FBRSL1: variants seen among roughly 807,000 people sequenced by gnomAD.
FBRSL1 encodes the protein fibrosin-1-like protein.
In FBRSL1, 51 loss-of-function variants were observed where a neutral mutation model predicts 89.6. That is an observed-to-expected ratio of 0.57 (90% CI 0.45 to 0.72). The LOEUF is 0.72. FBRSL1 is among the 30% of genes least tolerant of loss of function. FBRSL1 has a pLI of 0.00. For missense variants in FBRSL1, 1,618 were observed against 1,451.8 expected, an observed-to-expected ratio of 1.11 and a Z score of -1.86; for synonymous variants, 779 against 681.1, an observed-to-expected ratio of 1.14 and a Z score of -2.24.
chr12:132,569,017 G>T (rs542696834), intron 6 of FBRSL1, among the ~76,000 whole-genome samples: 1 of 152,128 alleles, frequency 6.6e-6, no homozygotes, highest in Admixed American at 6.5e-5. Flanking sequence ...AGGGTCTGCC[G>T]GGGACGTGAA....
In FBRSL1 at chr12:132,544,237, A is replaced by AG. The variant is rs1382843148; in HGVS notation, c.616-3763dup. Among the ~76,000 whole-genome samples the AG allele has an allele frequency of 2.4e-4, 37 of 152,276 alleles. 1 individual carries two copies. The highest frequency in any genetic ancestry group is 2.1e-3 in the South Asian group (10 of 4,822). On this transcript the variant is annotated intron_variant, in intron 4 of 18. Transcript: ENST00000680143. The stretch of plus-strand genomic sequence containing the variant: ...CAACAAGTACTGAGAAGTGGTCACG[A>AG]GGGCCATTATTGGATGGTGAGGTCC...
intron 5 of FBRSL1, chr12:132,550,641 C>G (rs1279342838): frequency 6.6e-6 from 1 of 152,566 alleles, no homozygotes; most frequent in Non-Finnish European, 1.5e-5. Context: ...GTGGGGACGA[C>G]CCTGGTGCGT....
rs976117471 is a variant in FBRSL1 at position 132,567,353 on chromosome 12, A to G, written c.646-128A>G. 6.0e-6 allele frequency: 5 copies of G among 836,676 alleles called. 1 individual carries two copies. The highest frequency in any genetic ancestry group is 9.7e-6 in the Non-Finnish European group (5 of 513,400). The allele number at this position is 836,676 out of a possible 1,614,324, so 51.8% of individuals were successfully genotyped here. On this transcript the variant is annotated intron_variant, in intron 5 of 18. Coordinates refer to ENST00000680143, the MANE Select transcript of FBRSL1 (RefSeq NM_001367871.1). ...GCGTGTTCACCTCGTACACGGGGGC[A>G]TCCACAAGGGCACATCCCGCCTGGC...
At chr12:132,507,367 G>T in intron 1 of FBRSL1, 1 of 985,488 alleles carries the variant, frequency 1.0e-6, no homozygotes, top group Non-Finnish European at 1.2e-6. Context: ...CTGGTGCCAG[G>T]AGCTGAGCCA....
At position 132,576,912 on chromosome 12, in the gene FBRSL1, G is replaced by GC; in HGVS notation, c.1819dup (p.Leu607ProfsTer82). On this transcript the variant is annotated frameshift_variant, in exon 15 of 19. Transcript: ENST00000680143. LOFTEE classifies it high-confidence loss of function. The stretch of plus-strand genomic sequence containing the variant: ...TCCACTACCCACAGGACCTGGCCCG[G>GC]CCCCTCTTCCCCAGCACAGGTGAGA... 2 of 1,549,804 alleles carry GC rather than the reference G, an allele frequency of 1.3e-6. No homozygotes were observed. The highest frequency in any genetic ancestry group is 1.7e-6 in the Non-Finnish European group (2 of 1,146,498).
At chr12:132,514,446 C>T (rs1275238302) in intron 2 of FBRSL1, among the ~76,000 whole-genome samples, 5 of 152,198 alleles carry the variant, frequency 3.3e-5, no homozygotes, top group Admixed American at 6.5e-5. Flanking sequence ...TTGACCAGGC[C>T]GAGGCCACCG....
At chr12:132,563,637 C>G (rs1209586927) in intron 5 of FBRSL1, among the ~76,000 whole-genome samples, 1 of 152,078 alleles carries the variant, frequency 6.6e-6, no homozygotes, top group East Asian at 1.9e-4. Context: ...TAAAATTCAC[C>G]TATTTATTTT....
intron 4 of FBRSL1, among the ~76,000 whole-genome samples, chr12:132,545,030 C>G (rs1593427455): frequency 6.6e-6 from 1 of 152,346 alleles, no homozygotes; most frequent in East Asian, 1.9e-4. Context: ...TACAGAAGCA[C>G]AAACTGAGAC....
chr12:132,505,130 A>T (rs1029862870), intron 1 of FBRSL1, among the ~76,000 whole-genome samples: 45 of 151,950 alleles, frequency 3.0e-4, no homozygotes, highest in Admixed American at 2.6e-3. Flanking sequence ...CATCTCAAAA[A>T]CAAAAAGATA....
intron 4 of FBRSL1, among the ~76,000 whole-genome samples, chr12:132,535,401 TG>T (rs1399130923): frequency 2.0e-5 from 3 of 152,154 alleles, no homozygotes; most frequent in African/African-American, 7.2e-5. Flanking sequence ...CCATCCGCTG[TG>T]GGGACGTAGA....
chr12:132,571,528 C>T (rs1263954572), intron 9 of FBRSL1: 7 of 1,499,612 alleles, frequency 4.7e-6, no homozygotes, highest in Non-Finnish European at 6.2e-6. Context: ...CCCGCCGGTG[C>T]GTAGGCCCGC....
At chr12:132,509,865 C>T in intron 2 of FBRSL1, 5 of 1,231,828 alleles carry the variant, frequency 4.1e-6, no homozygotes, top group Non-Finnish European at 5.1e-6. Flanking sequence ...CCGACCACGC[C>T]GACGGCCCGC....
chr12:132,571,562 G>C, intron 9 of FBRSL1: 1 of 1,306,108 alleles, frequency 7.7e-7, no homozygotes, highest in South Asian at 2.0e-5. Flanking sequence ...GCGGGGGCGG[G>C]CGTGGGGCGG....
intron 5 of FBRSL1, among the ~76,000 whole-genome samples, chr12:132,559,766 G>T (rs2038953683): frequency 6.6e-6 from 1 of 152,198 alleles, no homozygotes; most frequent in Non-Finnish European, 1.5e-5. Flanking sequence ...TTCTTGTTGT[G>T]AGGACCAGAG....
At position 132,582,972 on chromosome 12, in the gene FBRSL1, G is replaced by T; in HGVS notation, c.2203G>T (p.Asp735Tyr). ...PDNGKEEQER[D>Y]LLEKTRLLSR... ...ACGGGTCCGCCCTGCCGCCCCCAGG[G>T]ACCTCCTGGAGAAGACGCGCCTGCT... The change falls in exon 19 of 19, where the codon GAC becomes TAC. Residue 735 changes from aspartate (D) to tyrosine (Y), a missense_variant and splice_region_variant. Asp to Tyr is a radical substitution (Grantham distance 160). Coordinates refer to ENST00000680143, the MANE Select transcript of FBRSL1 (RefSeq NM_001367871.1). The T allele has an allele frequency of 7.0e-7, 1 of 1,420,780 alleles. No homozygotes were observed. Among genetic ancestry groups the T allele is most frequent in the Non-Finnish European group, 9.1e-7 (1 of 1,096,468 alleles). The allele number at this position is 1,420,780 out of a possible 1,614,324, so 88.0% of individuals were successfully genotyped here.
chr12:132,504,355 G>A (rs1390257955), intron 1 of FBRSL1, among the ~76,000 whole-genome samples: 4 of 152,218 alleles, frequency 2.6e-5, no homozygotes, highest in Admixed American at 1.3e-4. Context: ...GACATTAAGA[G>A]AGCCAAAAGC....
At chr12:132,557,056 GTGGCTGGGGCAGCA>G (rs1297191035) in intron 5 of FBRSL1, among the ~76,000 whole-genome samples, 1 of 152,234 alleles carries the variant, frequency 6.6e-6, no homozygotes. Flanking sequence ...GTGTCCTGGG[GTGGCTGGGGCAGCA>G]TGGCTGAGAG....
At chr12:132,581,995 G>A in intron 17 of FBRSL1, 67 bp from the exon 18 acceptor site, 1 of 1,400,502 alleles carries the variant, frequency 7.1e-7, no homozygotes, top group Middle Eastern at 2.5e-4. Context: ...ACCCCTACCG[G>A]GTTCTCCTGG....
chr12:132,531,607 C>A, intron 4 of FBRSL1, among the ~76,000 whole-genome samples: 1 of 152,176 alleles, frequency 6.6e-6, no homozygotes, highest in Non-Finnish European at 1.5e-5. Context: ...TGTTTGCATG[C>A]TGTGCATGTG....
Sources: allele counts gnomAD v4.1 joint callset (sites outside exome capture counted in the v4.1 genomes callset), GRCh38; gene constraint gnomAD v4.1.1; transcripts MANE v1.5; gene names NCBI Gene and HGNC (gene_info 2026-07-23, HGNC 2026-07-21).